The following NRG3 variants were observed in gnomAD, a reference collection of about 807,000 sequenced individuals.
NRG3 encodes neuregulin 3.
Under a neutral mutation model 66.9 loss-of-function variants are expected in NRG3, and 31 were observed. The observed-to-expected ratio is 0.46, with a 90% CI of 0.35 to 0.63. The LOEUF is 0.63. NRG3 is among the 20% of genes least tolerant of loss of function. The pLI is 0.00. For synonymous variants in NRG3, 393 were observed against 359.4 expected (o/e 1.09, Z -1.06); for missense variants, 910 against 878.9 (o/e 1.04, Z -0.45).
At chr10:81,923,733 C>T (rs958978390) in intron 1 of NRG3, among the ~76,000 whole-genome samples, 1 of 126 alleles carries the variant, frequency 7.9e-3, no homozygotes, top group Non-Finnish European at 0.019. Flanking sequence ...ACAAATTCCC[C>T]CTTGTTTTAT....
At chr10:81,965,726 G>C (rs900607786) in intron 1 of NRG3, among the ~76,000 whole-genome samples, 7 of 152,088 alleles carry the variant, frequency 4.6e-5, no homozygotes, top group African/African-American at 1.7e-4. Flanking sequence ...TGGAAAGTGT[G>C]AATTTTTTGT....
At chr10:81,993,827 A>G (rs2060831901) in intron 1 of NRG3, among the ~76,000 whole-genome samples, 1 of 152,190 alleles carries the variant, frequency 6.6e-6, no homozygotes, top group South Asian at 2.1e-4. Flanking sequence ...CGTGAATCAC[A>G]TAGAAGCGCA....
chr10:82,425,406 T>A (rs373312878), intron 2 of NRG3, among the ~76,000 whole-genome samples: 14 of 84 alleles, frequency 0.17, no homozygotes, highest in Non-Finnish European at 0.22. Flanking sequence ...TAAATGGAGG[T>A]TTTTTTTTTA....
At chr10:81,892,764 G>T (rs1188620177) in intron 1 of NRG3, among the ~76,000 whole-genome samples, 1 of 152,014 alleles carries the variant, frequency 6.6e-6, no homozygotes, top group African/African-American at 2.4e-5. Context: ...AGCATAACAG[G>T]GTGACTGTAG....
chr10:82,283,978 G>A (rs1349451831), intron 1 of NRG3, among the ~76,000 whole-genome samples: 1 of 152,200 alleles, frequency 6.6e-6, no homozygotes, highest in African/African-American at 2.4e-5. Flanking sequence ...GGAGGAAAAT[G>A]AAAAGAGAGA....
intron 2 of NRG3, among the ~76,000 whole-genome samples, chr10:82,375,176 G>A (rs2085136370): frequency 1.3e-5 from 2 of 152,160 alleles, no homozygotes; most frequent in Non-Finnish European, 2.9e-5. Context: ...CTTCTTAGAG[G>A]TTGCCAATCA....
At chr10:81,881,175 GT>G (rs61640942) in intron 1 of NRG3, among the ~76,000 whole-genome samples, 3 of 146,020 alleles carry the variant, frequency 2.1e-5, no homozygotes, top group Admixed American at 6.8e-5. Context: ...AGGCTTTTGT[GT>G]TTTTTTTGTG....
intron 3 of NRG3, among the ~76,000 whole-genome samples, chr10:82,760,424 C>A (rs1406981244): frequency 2.0e-5 from 3 of 152,084 alleles, no homozygotes; most frequent in African/African-American, 7.2e-5. Flanking sequence ...AAAACATGAA[C>A]AATGTGTGAA....
At chr10:82,744,551 G>T (rs961456914) in intron 3 of NRG3, among the ~76,000 whole-genome samples, 3 of 152,104 alleles carry the variant, frequency 2.0e-5, no homozygotes, top group Admixed American at 6.5e-5. Flanking sequence ...TTAAGGATTA[G>T]GTTTCCACAT....
At chr10:82,707,357 T>G (rs1259586724) in intron 2 of NRG3, among the ~76,000 whole-genome samples, 1 of 151,936 alleles carries the variant, frequency 6.6e-6, no homozygotes, top group Non-Finnish European at 1.5e-5. Context: ...TGGGCTGAGA[T>G]TTTTCTTTTT....
intron 1 of NRG3, among the ~76,000 whole-genome samples, chr10:82,218,999 A>G (rs1183054113): frequency 6.6e-6 from 1 of 152,044 alleles, no homozygotes. Flanking sequence ...GAGTTTGTCC[A>G]TTATTAGAAT....
At chr10:82,036,372 C>T (rs1303036331) in intron 1 of NRG3, among the ~76,000 whole-genome samples, 1 of 152,118 alleles carries the variant, frequency 6.6e-6, no homozygotes, top group Non-Finnish European at 1.5e-5. Context: ...TTCGTAAGTA[C>T]ATCCCATTTA....
chr10:82,710,248 G>T (rs141635655), intron 2 of NRG3, among the ~76,000 whole-genome samples: 1,643 of 152,246 alleles, frequency 0.011, 29 homozygotes, highest in African/African-American at 0.038. Context: ...CTTCAGAATT[G>T]TTGCAGTGTT....
At chr10:82,952,024 G>C (rs1254278529) in intron 5 of NRG3, among the ~76,000 whole-genome samples, 2 of 152,186 alleles carry the variant, frequency 1.3e-5, no homozygotes, top group Non-Finnish European at 2.9e-5. Flanking sequence ...TGTGGAATAT[G>C]AATACTAAAA....
intron 1 of NRG3, among the ~76,000 whole-genome samples, chr10:82,086,647 AATACATTTCTG>A (rs2065745228): frequency 6.6e-6 from 1 of 152,136 alleles, no homozygotes; most frequent in African/African-American, 2.4e-5. Context: ...GTGTGGACGC[AATACATTTCTG>A]CTGTTTGCTG....
chr10:82,115,551 C>CT (rs930796149), intron 1 of NRG3, among the ~76,000 whole-genome samples: 6 of 152,062 alleles, frequency 3.9e-5, no homozygotes, highest in African/African-American at 1.4e-4. Flanking sequence ...ACACTGAGGC[C>CT]TTTGGTTCCC....
intron 2 of NRG3, among the ~76,000 whole-genome samples, chr10:82,671,104 C>T (rs1056683928): frequency 2.0e-5 from 3 of 152,190 alleles, no homozygotes; most frequent in South Asian, 4.1e-4. Flanking sequence ...GTTGCCAGTC[C>T]ATGCACATAG....
At position 82,630,701 on chromosome 10, in the gene NRG3, A is replaced by G. The variant is rs922250580; in HGVS notation, c.954-107876A>G. ...CAAAAAAAAAAAATTAAGTTGAAAT[A>G]GTTTTAATGGCCAATTTTATATTTA... On this transcript the variant is annotated intron_variant, in intron 2 of 8. Transcript: ENST00000372141. 2.0e-5 allele frequency among the ~76,000 whole-genome samples: 3 copies of G among 152,066 alleles called. No individual in the cohort carries two copies. In the East Asian group the frequency reaches 5.8e-4, roughly 29 times the overall value.
chr10:82,976,298 C>T (rs1480054994), intron 7 of NRG3, among the ~76,000 whole-genome samples: 3 of 152,094 alleles, frequency 2.0e-5, no homozygotes, highest in Non-Finnish European at 2.9e-5. Flanking sequence ...TCAGGTGATC[C>T]GCCCGCCTCA....
Sources: allele counts gnomAD v4.1 joint callset (sites outside exome capture counted in the v4.1 genomes callset), GRCh38; gene constraint gnomAD v4.1.1; transcripts MANE v1.5; gene names NCBI Gene and HGNC (gene_info 2026-07-23, HGNC 2026-07-21).